The following COL4A4 variants were observed in gnomAD, a reference collection of about 807,000 sequenced individuals.
The protein encoded by COL4A4 is collagen type IV alpha 4 chain, also known as collagen alpha-4(IV) chain.
COL4A4 carries 105 observed loss-of-function variants against 192.9 expected under a neutral mutation model. The observed-to-expected ratio is 0.54, with a 90% CI of 0.46 to 0.64. The LOEUF (loss-of-function observed/expected upper bound fraction) is 0.64. COL4A4 is among the 30% of genes least tolerant of loss of function. The pLI, the probability that COL4A4 is intolerant of heterozygous loss-of-function variation, is 0.00. For missense variants in COL4A4, 1,967 were observed against 2,169.3 expected (o/e 0.91, Z 1.85); for synonymous variants, 762 against 769.9 (o/e 0.99, Z 0.17).
intron 37 of COL4A4, among the ~76,000 whole-genome samples, chr2:227,039,775 A>T (rs1340761777): frequency 6.6e-6 from 1 of 152,240 alleles, no homozygotes; most frequent in African/African-American, 2.4e-5. Context: ...GGCTGTAGAG[A>T]TGGTCAGAGA....
chr2:226,985,769 G>A, the COL4A4 span, among the ~76,000 whole-genome samples: 2 of 151,822 alleles, frequency 1.3e-5, no homozygotes, highest in Non-Finnish European at 2.9e-5. Flanking sequence ...CTGGAATGAG[G>A]GGTGCAGAAC....
At chr2:227,001,036 TATC>T (rs746552175), downstream of COL4A4, among the ~76,000 whole-genome samples, 6 of 152,264 alleles carry the variant, frequency 3.9e-5, no homozygotes, top group Admixed American at 6.5e-5. Flanking sequence ...TATGAAAATT[TATC>T]AGCAGCATGA....
At chr2:227,147,268 G>T in intron 2 of COL4A4, 145 bp downstream of exon 2, 1 of 795,630 alleles carries the variant, frequency 1.3e-6, no homozygotes, top group Non-Finnish European at 2.2e-6. Flanking sequence ...ATAAAAATGA[G>T]TCATGAAATG....
intron 37 of COL4A4, among the ~76,000 whole-genome samples, chr2:227,035,089 C>T (rs1969337484): frequency 6.6e-6 from 1 of 151,944 alleles, no homozygotes; most frequent in Non-Finnish European, 1.5e-5. Context: ...TGATGTCCAC[C>T]CCACACTGTG....
At chr2:227,059,851 G>A (rs1299584624) in intron 27 of COL4A4, among the ~76,000 whole-genome samples, 1 of 151,990 alleles carries the variant, frequency 6.6e-6, no homozygotes, top group Non-Finnish European at 1.5e-5. Context: ...TTCCTTCTCT[G>A]GCAAACATTC....
At chr2:227,042,396 G>T (rs1051933456) in intron 36 of COL4A4, 141 bp from the exon 37 acceptor site, 32 of 634,754 alleles carry the variant, frequency 5.0e-5, no homozygotes, top group Non-Finnish European at 8.0e-5. Flanking sequence ...TTAACTCTAG[G>T]GAGAAAAATA....
chr2:226,976,289 CCA>C, the COL4A4 span, among the ~76,000 whole-genome samples: 1 of 146,228 alleles, frequency 6.8e-6, no homozygotes, highest in East Asian at 2.0e-4. Context: ...TTGGATATGC[CCA>C]CCCCCCTGGA....
the COL4A4 span, among the ~76,000 whole-genome samples, chr2:226,971,256 A>G: frequency 6.6e-6 from 1 of 152,178 alleles, no homozygotes; most frequent in Non-Finnish European, 1.5e-5. Context: ...TGCTTACTAA[A>G]TGCTTGTTGG....
intron 38 of COL4A4, among the ~76,000 whole-genome samples, chr2:227,032,834 T>C (rs2149987481): frequency 6.6e-6 from 1 of 152,334 alleles, no homozygotes; most frequent in South Asian, 2.1e-4. Context: ...TCACTCAAAT[T>C]TGCATGTTAG....
intron 1 of COL4A4, among the ~76,000 whole-genome samples, chr2:227,163,580 A>AGGACC (rs1386032412): frequency 4.6e-5 from 7 of 152,270 alleles, no homozygotes; most frequent in Admixed American, 6.5e-5. Context: ...AGCCGGCTGG[A>AGGACC]GGACCGTGCC....
chr2:227,023,869 G>A (rs1442465234), intron 43 of COL4A4, among the ~76,000 whole-genome samples: 2 of 151,940 alleles, frequency 1.3e-5, no homozygotes, highest in African/African-American at 2.4e-5. Context: ...AAAATTAGCC[G>A]GGTGTGGTGG....
chr2:227,106,800 A>G (rs576753409), intron 12 of COL4A4, among the ~76,000 whole-genome samples: 14 of 152,312 alleles, frequency 9.2e-5, no homozygotes, highest in African/African-American at 3.4e-4. Flanking sequence ...TCCTGACCTG[A>G]GGTGATCCAC....
intron 22 of COL4A4, among the ~76,000 whole-genome samples, chr2:227,085,024 G>A (rs1287407658): frequency 4.4e-5 from 6 of 136,396 alleles, no homozygotes; most frequent in East Asian, 4.3e-4. Context: ...TCAGCTACTC[G>A]AGAGGCTGAG....
intron 24 of COL4A4, among the ~76,000 whole-genome samples, chr2:227,079,989 C>T (rs12615769): frequency 0.076 from 11,520 of 152,178 alleles, 475 homozygotes; most frequent in East Asian, 0.19. Flanking sequence ...CATCAGCCAA[C>T]GCCTTGACTC....
the COL4A4 span, among the ~76,000 whole-genome samples, chr2:226,969,633 T>A: frequency 2.0e-5 from 3 of 151,870 alleles, no homozygotes; most frequent in Non-Finnish European, 2.9e-5. Context: ...ACTTCTTTCC[T>A]TTTCAGAACT....
At chr2:227,118,059 T>C (rs138706324) in intron 7 of COL4A4, among the ~76,000 whole-genome samples, 1 of 152,296 alleles carries the variant, frequency 6.6e-6, no homozygotes, top group East Asian at 1.9e-4. Context: ...TTGAGTGTTC[T>C]GTTTGCTAGT....
the COL4A4 span, among the ~76,000 whole-genome samples, chr2:226,975,934 G>A: frequency 6.6e-6 from 1 of 152,008 alleles, no homozygotes; most frequent in African/African-American, 2.4e-5. Context: ...GTGGCCCCAG[G>A]GTTGTTGTGT....
intron 4 of COL4A4, among the ~76,000 whole-genome samples, chr2:227,122,528 C>A (rs1302117531): frequency 6.6e-6 from 1 of 152,196 alleles, no homozygotes; most frequent in African/African-American, 2.4e-5. Flanking sequence ...ATGCAGGGCC[C>A]TGAGCAAAAT....
At chr2:227,032,485 G>A (rs1968650892) in intron 38 of COL4A4, among the ~76,000 whole-genome samples, 1 of 152,094 alleles carries the variant, frequency 6.6e-6, no homozygotes, top group Non-Finnish European at 1.5e-5. Flanking sequence ...TTCTTTTATA[G>A]TTATTTTCCA....
Sources: gnomAD v4.1 joint callset for allele counts (sites outside exome capture counted in the v4.1 genomes callset) on GRCh38, gnomAD v4.1.1 for gene constraint, MANE v1.5 for transcripts, NCBI Gene and HGNC (gene_info 2026-07-23, HGNC 2026-07-21) for gene names.